GNB1L: variants seen among roughly 807,000 people sequenced by gnomAD.
The protein encoded by GNB1L is G protein subunit beta 1 like.
In GNB1L, 20 loss-of-function variants were observed where a neutral mutation model predicts 29.1. The observed-to-expected ratio is 0.69, with a 90% confidence interval of 0.48 to 1.00. The LOEUF is 1.00. Among genes scored for constraint, GNB1L ranks in the 50% least tolerant of loss-of-function variants. The pLI, the probability that GNB1L is intolerant of heterozygous loss-of-function variation, is 0.00. For synonymous variants in GNB1L, 193 were observed against 206.5 expected (o/e 0.93, Z 0.56); for missense variants, 421 against 464.9 (o/e 0.91, Z 0.87).
chr22:19,813,162 C>T (rs1375592225), intron 4 of GNB1L, among the ~76,000 whole-genome samples: 1 of 152,176 alleles, frequency 6.6e-6, no homozygotes, highest in Non-Finnish European at 1.5e-5. Flanking sequence ...GAAATGAGTA[C>T]AGACGGGTGT....
At chr22:19,850,905 G>A (rs1390102293) in intron 2 of GNB1L, 4 of 1,365,022 alleles carry the variant, frequency 2.9e-6, no homozygotes, top group Non-Finnish European at 3.8e-6. Flanking sequence ...AGGCCTGGGT[G>A]AGACGGCACT....
chr22:19,850,724 A>G, intron 2 of GNB1L: 1 of 1,236,922 alleles, frequency 8.1e-7, no homozygotes, highest in Non-Finnish European at 1.0e-6. Context: ...GGGGACAGAC[A>G]CAGAAACCCC....
chr22:19,810,382 G>T (rs1319272637), intron 5 of GNB1L, among the ~76,000 whole-genome samples: 2 of 151,922 alleles, frequency 1.3e-5, no homozygotes, highest in Non-Finnish European at 2.9e-5. Flanking sequence ...GGCAAAAGAT[G>T]GGGGGAGGAG....
chr22:19,820,164 C>T (rs9618703), intron 4 of GNB1L, among the ~76,000 whole-genome samples: 4,368 of 152,254 alleles, frequency 0.029, 197 homozygotes, highest in African/African-American at 0.094. Context: ...GGAGGCCCTC[C>T]TTGGGACCAC....
intron 2 of GNB1L, among the ~76,000 whole-genome samples, chr22:19,845,745 C>T (rs1169138560): frequency 1.3e-5 from 2 of 152,192 alleles, no homozygotes; most frequent in Admixed American, 1.3e-4. Context: ...CAGGCTTGGC[C>T]AGGCTGTCCA....
intron 7 of GNB1L, among the ~76,000 whole-genome samples, chr22:19,799,398 A>G (rs562389015): frequency 7.2e-5 from 11 of 152,346 alleles, no homozygotes; most frequent in African/African-American, 2.4e-4. Context: ...CTCAGGTGGT[A>G]TCCTGATGTG....
intron 2 of GNB1L, chr22:19,851,025 C>A: frequency 2.1e-6 from 3 of 1,441,794 alleles, no homozygotes; most frequent in Non-Finnish European, 1.8e-6. Flanking sequence ...AGCGCAGAGT[C>A]CAAAACAAGC....
Position 19,807,218 on chromosome 22 carries a change from C to G in GNB1L, c.418-461G>C, listed in dbSNP as rs573898519. ...GAAACCTGGCTCCCCCACCTGGACG[C>G]CCCGGTGTCCCCTGTGCATCGAGGC... On this transcript the variant is annotated intron_variant, in intron 5 of 7. Coordinates refer to ENST00000329517, the MANE Select transcript of GNB1L (RefSeq NM_053004.3). 2.0e-5 allele frequency among the ~76,000 whole-genome samples: 3 copies of G among 152,308 alleles called. No homozygotes were observed. The South Asian group carries it at 6.2e-4, about 32-fold the overall frequency.
At chr22:19,850,095 T>C (rs1184491476) in intron 2 of GNB1L, 6 of 985,640 alleles carry the variant, frequency 6.1e-6, no homozygotes, top group South Asian at 9.4e-5. Flanking sequence ...CCCAGCTTCT[T>C]TGATCAGACC....
At position 19,786,221 on chromosome 22, in the gene GNB1L, C is replaced by G. The variant is rs540488784; in HGVS notation, c.*2488G>C. ...AGGGCTGTGTTAGGCATGCAGGACTCACGCTGTCCCGACTCCATCCCTGCA... is the reference window on the plus strand; with the variant it reads ...AGGGCTGTGTTAGGCATGCAGGACTGACGCTGTCCCGACTCCATCCCTGCA... On this transcript the variant is annotated 3_prime_UTR_variant, in exon 8 of 8. Coordinates refer to ENST00000329517, the MANE Select transcript of GNB1L (RefSeq NM_053004.3). The G allele has an allele frequency of 6.6e-6, 1 of 152,306 alleles. No individual in the cohort carries two copies. Among genetic ancestry groups the G allele is most frequent in the Non-Finnish European group, 1.5e-5 (1 of 68,112 alleles). 9.4% of individuals were successfully genotyped at this position (152,306 alleles called of 1,614,324 possible). A position where few individuals can be genotyped will look rare whatever the true frequency, so the allele number is the denominator to read the frequency against.
intron 2 of GNB1L, among the ~76,000 whole-genome samples, chr22:19,834,780 G>C (rs1267849255): frequency 6.6e-6 from 1 of 151,694 alleles, no homozygotes; most frequent in East Asian, 1.9e-4. Context: ...ACAGGAAAGA[G>C]GGGATAGAAG....
chr22:19,806,890 G>C (rs996369106), intron 5 of GNB1L, 133 bp from the exon 6 acceptor site: 7 of 728,508 alleles, frequency 9.6e-6, no homozygotes, highest in Admixed American at 8.1e-5. Flanking sequence ...GGGCACCTGG[G>C]AGCCCAGGCT....
rs537839633 is a variant in GNB1L, at chr22:19,804,028, G to A, written c.517-1812C>T. Among the ~76,000 whole-genome samples, 325 of 152,398 alleles carry A rather than the reference G, an allele frequency of 2.1e-3. 1 individual carries two copies. Among genetic ancestry groups the A allele is most frequent in the African/African-American group, 7.0e-3 (291 of 41,600 alleles). ...CAGGGACTGTGTGTGTGACTGACCC[G>A]CCTGTCGTGGTGCCACAGGGTGGCT... is the stretch of plus-strand genomic sequence containing the variant. On this transcript the variant is annotated intron_variant, in intron 6 of 7. Coordinates refer to ENST00000329517, the MANE Select transcript of GNB1L (RefSeq NM_053004.3).
At chr22:19,853,303 G>C (rs1190317036) in intron 2 of GNB1L, among the ~76,000 whole-genome samples, 3 of 152,092 alleles carry the variant, frequency 2.0e-5, no homozygotes, top group Admixed American at 2.0e-4. Context: ...CAGGGTCTGG[G>C]GAGTCCCAGT....
chr22:19,842,762 C>A (rs1358723043), intron 2 of GNB1L, among the ~76,000 whole-genome samples: 2 of 152,216 alleles, frequency 1.3e-5, no homozygotes, highest in Non-Finnish European at 2.9e-5. Flanking sequence ...CTGTTTGGAC[C>A]CACGGCTACC....
rs187831748 is a variant in GNB1L, at chr22:19,819,465, A to G, written c.254+1133T>C. Among the ~76,000 whole-genome samples, 47 of 152,290 alleles carry G rather than the reference A, an allele frequency of 3.1e-4. 1 individual carries two copies. The East Asian group carries it at 7.3e-3, about 24-fold the overall frequency. The stretch of plus-strand genomic sequence containing the variant: ...CCCTGGCCAGGGCGAGCTCTGCTGA[A>G]GGCACAGGCTGACACTGCAATGGGG... On this transcript the variant is annotated intron_variant, in intron 4 of 7. Transcript: ENST00000329517.
chr22:19,806,983 C>T (rs1038025360), intron 5 of GNB1L, among the ~76,000 whole-genome samples: 1 of 152,238 alleles, frequency 6.6e-6, no homozygotes, highest in African/African-American at 2.4e-5. Context: ...CCTCTCCCGA[C>T]GTTACCGTGC....
Position 19,854,868 on chromosome 22 carries a change from T to A in GNB1L, c.-166A>T, listed in dbSNP as rs1032236454. ...CTGCTCCTAGGAGCGCCGCGCAGCG[T>A]CCAGAGACCGATTACATCGCGCAGC... On this transcript the variant is annotated 5_prime_UTR_variant, in exon 1 of 8. Transcript: ENST00000329517. 1 of 152,196 alleles carries A rather than the reference T, an allele frequency of 6.6e-6. No individual in the cohort carries two copies. The highest frequency in any genetic ancestry group is 1.5e-5 in the Non-Finnish European group (1 of 68,060). The allele number at this position is 152,196 out of a possible 1,614,324, so 9.4% of individuals were successfully genotyped here.
chr22:19,816,742 T>C lies in GNB1L; in HGVS notation c.254+3856A>G, dbSNP rs1011052276. ...ACAGGTTCTTTCTCACCTTCCCCCT[T>C]CTCGTGTCTGTAACTCTCCTCTCTG... On this transcript the variant is annotated intron_variant, in intron 4 of 7. Transcript: ENST00000329517. The surrounding 1 kb of genome is among the most constrained non-coding windows in gnomAD (Gnocchi z 4.4). 3.3e-5 allele frequency among the ~76,000 whole-genome samples: 5 copies of C among 152,056 alleles called. No individual in the cohort carries two copies. Among genetic ancestry groups the C allele is most frequent in the Admixed American group, 2.0e-4 (3 of 15,270 alleles).
Sources: allele counts gnomAD v4.1 joint callset (sites outside exome capture counted in the v4.1 genomes callset), GRCh38; gene constraint gnomAD v4.1.1; non-coding constraint Gnocchi (gnomAD v3.1); transcripts MANE v1.5; gene names NCBI Gene and HGNC (gene_info 2026-07-23, HGNC 2026-07-21).